Variants in DYRK1A observed in about 807,000 individuals in gnomAD.
DYRK1A encodes the protein dual specificity tyrosine-phosphorylation-regulated kinase 1A.
DYRK1A carries 9 observed loss-of-function variants against 79.7 expected under a neutral mutation model. That is an observed-to-expected ratio of 0.11 (90% CI 0.07 to 0.20). DYRK1A has a LOEUF of 0.20. DYRK1A is among the 10% of genes least tolerant of loss of function. The probability of loss-of-function intolerance (pLI) is 1.00; values close to 1 mark genes in which losing one functional copy is unlikely to be tolerated. For missense variants in DYRK1A, 622 were observed against 956.0 expected (o/e 0.65, Z 4.61); for synonymous variants, 349 against 329.7 (o/e 1.06, Z -0.63).
intron 2 of DYRK1A, among the ~76,000 whole-genome samples, chr21:37,448,554 G>T (rs1181496202): frequency 6.6e-6 from 1 of 152,004 alleles, no homozygotes; most frequent in Admixed American, 6.6e-5. Flanking sequence ...AAATAGGAAG[G>T]TTTAACATGA....
chr21:37,407,289 T>C (rs1462307880), intron 1 of DYRK1A, among the ~76,000 whole-genome samples: 3 of 152,216 alleles, frequency 2.0e-5, no homozygotes, highest in African/African-American at 7.2e-5. Flanking sequence ...ATATTTTCAG[T>C]AATTTTGTGC....
chr21:37,414,289 A>C (rs2050296511), intron 1 of DYRK1A, among the ~76,000 whole-genome samples: 1 of 152,092 alleles, frequency 6.6e-6, no homozygotes, highest in Admixed American at 6.6e-5. Context: ...GATTCAGTTT[A>C]ATATGGCCAA....
chr21:37,487,677 A>T (rs748687453), intron 6 of DYRK1A: 2 of 152,302 alleles, frequency 1.3e-5, no homozygotes, highest in South Asian at 4.1e-4. Context: ...AAAAAGGTAG[A>T]AACAAATAAT....
In DYRK1A at chr21:37,524,073, A is replaced by G. The variant is rs1305168532; in HGVS notation, c.*11542A>G. The G allele has an allele frequency of 6.6e-6, 1 of 152,218 alleles. No homozygotes were observed. The highest frequency in any genetic ancestry group is 2.4e-5 in the African/African-American group (1 of 41,450). The allele number at this position is 152,218 out of a possible 1,614,324, so 9.4% of individuals were successfully genotyped here. A position where few individuals can be genotyped will look rare whatever the true frequency, so the allele number is the denominator to read the frequency against. Reference sequence around the variant, plus strand: ...AATATCATTGTGCTTTTAAGGTACAATGGAGTATGAATTGTTACTGAATTA... The same window carrying G: ...AATATCATTGTGCTTTTAAGGTACAGTGGAGTATGAATTGTTACTGAATTA... On this transcript the variant is annotated 3_prime_UTR_variant, in exon 12 of 12. Transcript: ENST00000647188.
intron 2 of DYRK1A, among the ~76,000 whole-genome samples, chr21:37,429,288 C>T (rs563566223): frequency 6.6e-6 from 1 of 152,146 alleles, no homozygotes; most frequent in Non-Finnish European, 1.5e-5. Flanking sequence ...CCAGCTCTTT[C>T]CTCTCCTACT....
chr21:37,390,165 A>G (rs545484722), intron 1 of DYRK1A, among the ~76,000 whole-genome samples: 3 of 152,022 alleles, frequency 2.0e-5, no homozygotes, highest in Admixed American at 6.6e-5. Flanking sequence ...AAGTCTCCAT[A>G]TTCACTGGTC....
chr21:37,480,693 G>C lies in DYRK1A; in HGVS notation c.356G>C (p.Ser119Thr). Residue 119 changes from serine to threonine, a missense_variant, in exon 5 of 12, where the codon AGT becomes ACT. Physicochemically the swap from Ser to Thr is moderately conservative, Grantham distance 58. Around this residue, in one of 5 missense-constraint regions of DYRK1A, gnomAD observed 138 missense variants for 346.4 expected, o/e 0.40. Transcript: ENST00000647188. ...CAACAGGGCCAGGGAGACGATTCTA[G>C]TCATAAGAAGGAACGGAAGGTTTAC... ...RHQQGQGDDS[S>T]HKKERKVYND... 1.2e-6 allele frequency: 2 copies of C among 1,612,282 alleles called. No homozygotes were observed. Among genetic ancestry groups the C allele is most frequent in the Non-Finnish European group, 1.7e-6 (2 of 1,179,418 alleles).
intron 4 of DYRK1A, 62 bp from the exon 5 acceptor site, chr21:37,480,576 G>T: frequency 7.5e-7 from 1 of 1,333,760 alleles, no homozygotes; most frequent in Non-Finnish European, 1.0e-6. Context: ...AATATACTCT[G>T]ATAATGCCCT....
intron 1 of DYRK1A, among the ~76,000 whole-genome samples, chr21:37,386,930 G>T (rs958694631): frequency 5.9e-5 from 9 of 152,284 alleles, no homozygotes; most frequent in Middle Eastern, 6.8e-3. Context: ...ACACGCCCTG[G>T]ATTCAGGAAA....
intron 1 of DYRK1A, among the ~76,000 whole-genome samples, chr21:37,377,924 C>T (rs2049580546): frequency 6.6e-6 from 1 of 152,174 alleles, no homozygotes; most frequent in Non-Finnish European, 1.5e-5. Flanking sequence ...CATAGGATGT[C>T]TATTTATAAG....
At position 37,403,649 on chromosome 21, in the gene DYRK1A, AT is replaced by A. The variant is rs1309644481; in HGVS notation, c.-76-16649del. Among the ~76,000 whole-genome samples, 327 of 80,540 alleles carry A rather than the reference AT, an allele frequency of 4.1e-3. 6 individuals carry two copies. Among genetic ancestry groups the A allele is most frequent in the African/African-American group, 0.01 (188 of 18,258 alleles). The allele number at this position is 80,540 out of a possible 152,430, so 52.8% of individuals were successfully genotyped here. ...CTCAGCTAATTAAAAAAAAAAAAAA[AT>A]ATATATATATATATGTGTGTGTGTG... is the stretch of plus-strand genomic sequence containing the variant. On this transcript the variant is annotated intron_variant, in intron 1 of 11. Transcript: ENST00000647188.
At chr21:37,461,645 A>G (rs1018255333) in intron 2 of DYRK1A, among the ~76,000 whole-genome samples, 2 of 152,162 alleles carry the variant, frequency 1.3e-5, no homozygotes, top group Non-Finnish European at 2.9e-5. Context: ...CTCACCGGAT[A>G]TAGATTTGTA....
At chr21:37,461,703 T>C (rs1190312567) in intron 2 of DYRK1A, among the ~76,000 whole-genome samples, 2 of 152,184 alleles carry the variant, frequency 1.3e-5, no homozygotes, top group African/African-American at 4.8e-5. Context: ...TTTTATTTTC[T>C]TCTGGCGGTG....
chr21:37,454,513 A>T (rs2051570039), intron 2 of DYRK1A, among the ~76,000 whole-genome samples: 1 of 152,220 alleles, frequency 6.6e-6, no homozygotes, highest in African/African-American at 2.4e-5. Flanking sequence ...TAAAAAGTGA[A>T]GCAATGAAAT....
chr21:37,458,223 A>T (rs910560058), intron 2 of DYRK1A, among the ~76,000 whole-genome samples: 1 of 146,728 alleles, frequency 6.8e-6, no homozygotes, highest in African/African-American at 2.5e-5. Flanking sequence ...CGCTAGACAA[A>T]GTTATGGTCA....
intron 9 of DYRK1A, among the ~76,000 whole-genome samples, chr21:37,496,537 T>G (rs1365241556): frequency 1.3e-5 from 2 of 152,208 alleles, no homozygotes; most frequent in Admixed American, 6.5e-5. Flanking sequence ...CATACTTGGT[T>G]TCAACAGTAG....
chr21:37,524,483 A>C lies in DYRK1A; in HGVS notation c.*11952A>C, dbSNP rs982312511. Reference sequence around the variant, plus strand: ...ATTTGTTAGCCAAGCAAGGAAAGTCACTTATGGTGAATTAATTAAATCATG... The same window carrying C: ...ATTTGTTAGCCAAGCAAGGAAAGTCCCTTATGGTGAATTAATTAAATCATG... On this transcript the variant is annotated 3_prime_UTR_variant, in exon 12 of 12. Coordinates refer to ENST00000647188, the MANE Select transcript of DYRK1A (RefSeq NM_001347721.2). 2.6e-5 allele frequency: 4 copies of C among 152,240 alleles called. No individual in the cohort carries two copies. The highest frequency in any genetic ancestry group is 5.9e-5 in the Non-Finnish European group (4 of 68,038). The allele number at this position is 152,240 out of a possible 1,614,324, so 9.4% of individuals were successfully genotyped here.
chr21:37,371,374 G>A (rs148690348), intron 1 of DYRK1A, among the ~76,000 whole-genome samples: 108 of 152,302 alleles, frequency 7.1e-4, no homozygotes, highest in African/African-American at 2.2e-3. Context: ...TGGAAATATT[G>A]CACTGCGTAA....
At chr21:37,487,277 CCGTACTTCT>C (rs1445932973) in intron 6 of DYRK1A, 1 of 152,078 alleles carries the variant, frequency 6.6e-6, no homozygotes, top group East Asian at 1.9e-4. Context: ...TTGGAAGCTG[CCGTACTTCT>C]GCCTACTCCA....
Sources: allele counts gnomAD v4.1 joint callset (sites outside exome capture counted in the v4.1 genomes callset), GRCh38; gene constraint gnomAD v4.1.1; regional missense constraint gnomAD v4.1.1; transcripts MANE v1.5; gene names NCBI Gene and HGNC (gene_info 2026-07-23, HGNC 2026-07-21).